The following LRRC71 variants were observed in gnomAD, a reference collection of about 807,000 sequenced individuals.
LRRC71 encodes the protein leucine rich repeat containing 71.
Under a neutral mutation model 66.6 loss-of-function variants are expected in LRRC71, and 54 were observed. The observed-to-expected ratio is 0.81, with a 90% confidence interval of 0.65 to 1.02. The LOEUF (loss-of-function observed/expected upper bound fraction) is 1.02. Ranked by LOEUF, LRRC71 falls within the 50% of genes least tolerant of loss-of-function variation. The pLI is 0.00. For synonymous variants in LRRC71, 323 were observed against 303.9 expected (o/e 1.06, Z -0.65); for missense variants, 724 against 718.0 (o/e 1.01, Z -0.10).
chr1:156,930,062 T>C (rs866054831), intron 11 of LRRC71, among the ~76,000 whole-genome samples: 40 of 112,652 alleles, frequency 3.6e-4, no homozygotes, highest in Middle Eastern at 4.1e-3. Flanking sequence ...TTCTTTCTTT[T>C]TCTTTCTTTC....
At chr1:156,938,323 T>G in the LRRC71 span, 2 of 1,106,196 alleles carry the variant, frequency 1.8e-6, no homozygotes, top group Non-Finnish European at 2.6e-6. Context: ...AGCTTGTGGG[T>G]GTGTGTGTGA....
chr1:156,927,885 G>T (rs751455249), intron 8 of LRRC71, 30 bp from the exon 9 acceptor site: 6 of 1,610,322 alleles, frequency 3.7e-6, no homozygotes, highest in East Asian at 2.2e-5. Context: ...CTACCCAGGC[G>T]TCCGACCGCT....
At chr1:156,936,712 C>T (rs1655437735), downstream of LRRC71, 3 of 1,332,424 alleles carry the variant, frequency 2.3e-6, no homozygotes, top group Non-Finnish European at 3.1e-6. Context: ...CAAGGGGAAA[C>T]CACTCTCAGA....
intron 13 of LRRC71, 47 bp downstream of exon 13, chr1:156,932,074 G>A (rs1209368962): frequency 6.9e-7 from 1 of 1,454,336 alleles, no homozygotes; most frequent in Non-Finnish European, 9.4e-7. Flanking sequence ...GGCTACCCGG[G>A]CCCTGTCCTG....
rs1424084398 is a variant in LRRC71 at position 156,924,378 on chromosome 1, G to A, written c.311-46G>A. 9.1e-6 allele frequency: 14 copies of A among 1,534,968 alleles called. No homozygotes were observed. In the East Asian group the frequency reaches 3.0e-4, roughly 32 times the overall value. On this transcript the variant is annotated intron_variant, in intron 2 of 14. Coordinates refer to ENST00000337428, the MANE Select transcript of LRRC71 (RefSeq NM_144702.3). Reference sequence around the variant, plus strand: ...CACCCGTGGGCCGGCCCGGCGTGGGGCCCTGGAGGTGGCTGTTCCCCTCCC... The same window carrying A: ...CACCCGTGGGCCGGCCCGGCGTGGGACCCTGGAGGTGGCTGTTCCCCTCCC...
At position 156,924,532 on chromosome 1, in the gene LRRC71, T is replaced by G; in HGVS notation, c.419T>G (p.Val140Gly). The G allele has an allele frequency of 6.4e-7, 1 of 1,551,330 alleles. No homozygotes were observed. Among genetic ancestry groups the G allele is most frequent in the Non-Finnish European group, 8.7e-7 (1 of 1,146,934 alleles). ...CTGGAGCAGGAGGACAGCAAGTCAG[T>G]GAAGGAAATCTACATCCGCGGTGAG... ...VELEQEDSKS[V>G]KEIYIRGWKV... The change falls in exon 3 of 15, where the codon GTG (valine) becomes GGG (glycine). Residue 140 changes from valine to glycine, a missense_variant. Transcript: ENST00000337428.
intron 8 of LRRC71, 22 bp from the exon 9 acceptor site, chr1:156,927,893 G>C: frequency 6.2e-7 from 1 of 1,610,282 alleles, no homozygotes; most frequent in Non-Finnish European, 8.5e-7. Flanking sequence ...GCGTCCGACC[G>C]CTGAGCGCCC....
rs1652850219 is a variant in LRRC71 at position 156,924,285 on chromosome 1, G to C, written c.311-139G>C. The C allele has an allele frequency of 2.2e-6, 3 of 1,336,294 alleles. No individual in the cohort carries two copies. In the African/African-American group the frequency reaches 4.4e-5, roughly 20 times the overall value. The allele number at this position is 1,336,294 out of a possible 1,614,324, so 82.8% of individuals were successfully genotyped here. On this transcript the variant is annotated intron_variant, in intron 2 of 14. Coordinates refer to ENST00000337428, the MANE Select transcript of LRRC71 (RefSeq NM_144702.3). ...CCTTTCCAACCCAGCAGAGGCGCGA[G>C]TGGCCGGAGAGGCAGAGTCCGCAGG...
At position 156,929,741 on chromosome 1, in the gene LRRC71, T is replaced by A; in HGVS notation, c.1240+12T>A. 6.4e-7 allele frequency: 1 copy of A among 1,551,740 alleles called. No individual in the cohort carries two copies. The highest frequency in any genetic ancestry group is 1.2e-5 in the South Asian group (1 of 83,864). On this transcript the variant is annotated intron_variant, in intron 11 of 14. Transcript: ENST00000337428. ...GGCAGGCAAGGGGAGTAAGTGCGGG[T>A]GCCCCTGGGTGGCATCTTCCTGTGT...
intron 3 of LRRC71, 23 bp from the exon 4 acceptor site, chr1:156,924,620 A>T: frequency 7.0e-7 from 1 of 1,420,368 alleles, no homozygotes; most frequent in Non-Finnish European, 9.4e-7. Context: ...GGTCTGAGGC[A>T]CCTGCCTCCT....
the LRRC71 span, chr1:156,939,008 T>G: frequency 5.5e-6 from 1 of 180,936 alleles, no homozygotes; most frequent in Non-Finnish European, 1.1e-5. Flanking sequence ...CAACCCGGGG[T>G]GCCCTCCCTG....
At chr1:156,929,824 T>A in intron 11 of LRRC71, 95 bp downstream of exon 11, 1 of 993,414 alleles carries the variant, frequency 1.0e-6, no homozygotes, top group Non-Finnish European at 1.5e-6. Flanking sequence ...TGGGTGCGCC[T>A]GCCTGGAGCT....
In LRRC71 at chr1:156,929,541, C is replaced by G. The variant is rs531798760; in HGVS notation, c.1147-95C>G. 2.4e-4 allele frequency: 367 copies of G among 1,548,368 alleles called. No homozygotes were observed. In the African/African-American group the frequency reaches 4.0e-3, roughly 17 times the overall value. ...GCCACATGGGCCTTTGAAGTTCCCC[C>G]TAAGGCCCCGGGTCCTAACCTGGGC... is the stretch of plus-strand genomic sequence containing the variant. On this transcript the variant is annotated intron_variant, in intron 10 of 14. Coordinates refer to ENST00000337428, the MANE Select transcript of LRRC71 (RefSeq NM_144702.3).
chr1:156,940,630 T>C, the LRRC71 span, among the ~76,000 whole-genome samples: 2 of 150,548 alleles, frequency 1.3e-5, no homozygotes, highest in African/African-American at 4.8e-5. Context: ...ATGTTGAGCT[T>C]ACATTCTAGG....
intron 9 of LRRC71, among the ~76,000 whole-genome samples, chr1:156,928,717 T>C (rs1182565801): frequency 2.0e-5 from 3 of 151,556 alleles, no homozygotes; most frequent in African/African-American, 4.9e-5. Flanking sequence ...ATTTCAGGTA[T>C]GTGCCACCAT....
intron 6 of LRRC71, 57 bp from the exon 7 acceptor site, chr1:156,927,439 C>T: frequency 6.6e-7 from 1 of 1,520,738 alleles, no homozygotes; most frequent in South Asian, 1.3e-5. Flanking sequence ...CTCCCATATT[C>T]CGGCGGACGC....
chr1:156,936,192 C>G, downstream of LRRC71: 1 of 962,362 alleles, frequency 1.0e-6, no homozygotes, highest in Non-Finnish European at 1.7e-6. Flanking sequence ...CCCAGTTTCT[C>G]GTAGGGCTTG....
chr1:156,936,961 T>A, downstream of LRRC71: 2 of 1,613,890 alleles, frequency 1.2e-6, no homozygotes, highest in Non-Finnish European at 1.7e-6. Flanking sequence ...CAGATGACTC[T>A]CCCCCAAGGG....
chr1:156,938,391 C>CT, the LRRC71 span: 1 of 1,607,642 alleles, frequency 6.2e-7, no homozygotes, highest in Non-Finnish European at 8.5e-7. Flanking sequence ...CTTGGCCTGT[C>CT]TTTAGCTCCA....
Sources: allele counts gnomAD v4.1 joint callset (sites outside exome capture counted in the v4.1 genomes callset), GRCh38; gene constraint gnomAD v4.1.1; transcripts MANE v1.5; gene names NCBI Gene and HGNC (gene_info 2026-07-23, HGNC 2026-07-21).